The following LPIN2 variants were observed in gnomAD, a reference collection of about 807,000 sequenced individuals.
The protein encoded by LPIN2 is lipin 2, also known as phosphatidate phosphatase LPIN2.
A neutral mutation model predicts 111.4 loss-of-function variants in LPIN2; 55 were observed. The ratio of observed to expected loss-of-function variants is 0.49; its 90% CI spans 0.40 to 0.62. The LOEUF (loss-of-function observed/expected upper bound fraction) is 0.62. Ranked by LOEUF, LPIN2 falls within the 20% of genes least tolerant of loss-of-function variation. The pLI is 0.00. For synonymous variants in LPIN2, 425 were observed against 414.0 expected, an observed-to-expected ratio of 1.03 and a Z score of -0.32; for missense variants, 992 against 1,112.1, an observed-to-expected ratio of 0.89 and a Z score of 1.54.
intron 1 of LPIN2, among the ~76,000 whole-genome samples, chr18:3,003,068 C>T (rs2078458336): frequency 6.6e-6 from 1 of 152,182 alleles, no homozygotes; most frequent in Non-Finnish European, 1.5e-5. Flanking sequence ...CAGAACCAGC[C>T]TGTCAAGTAG....
chr18:2,976,688 T>C (rs983588085), intron 1 of LPIN2, among the ~76,000 whole-genome samples: 14 of 152,178 alleles, frequency 9.2e-5, no homozygotes, highest in Admixed American at 6.5e-4. Context: ...ACTGTACCAC[T>C]TCCCACGCAA....
chr18:2,947,751 G>T (rs1209040769), intron 4 of LPIN2, among the ~76,000 whole-genome samples: 1 of 152,186 alleles, frequency 6.6e-6, no homozygotes, highest in Admixed American at 6.5e-5. Flanking sequence ...TATGCTATAG[G>T]AAAGCTGCAA....
chr18:2,986,233 T>A (rs1396787280), intron 1 of LPIN2, among the ~76,000 whole-genome samples: 3 of 152,222 alleles, frequency 2.0e-5, no homozygotes, highest in African/African-American at 4.8e-5. Flanking sequence ...TTTTCAAACA[T>A]TTGTAGTTTA....
At chr18:2,979,830 T>C (rs3934427) in intron 1 of LPIN2, among the ~76,000 whole-genome samples, 18,691 of 152,186 alleles carry the variant, frequency 0.12, 1,234 homozygotes, top group African/African-American at 0.18. Context: ...GCCTAACCAG[T>C]AATCTTGTAT....
At chr18:2,934,231 T>C in intron 8 of LPIN2, 120 bp downstream of exon 8, 1 of 719,414 alleles carries the variant, frequency 1.4e-6, no homozygotes, top group Non-Finnish European at 2.4e-6. Flanking sequence ...CCTGAAGCCA[T>C]CATCAGATTT....
chr18:2,977,541 T>A (rs951344631), intron 1 of LPIN2, among the ~76,000 whole-genome samples: 3 of 152,254 alleles, frequency 2.0e-5, no homozygotes, highest in African/African-American at 7.2e-5. Context: ...TCCATGGCTG[T>A]GGGCAGGAAA....
At chr18:2,963,243 C>A (rs1200567489) in intron 1 of LPIN2, among the ~76,000 whole-genome samples, 1 of 152,220 alleles carries the variant, frequency 6.6e-6, no homozygotes, top group East Asian at 1.9e-4. Context: ...GGGAAAGAGG[C>A]TTCCTCACCG....
chr18:2,944,710 A>G (rs2077422672), intron 4 of LPIN2, among the ~76,000 whole-genome samples: 1 of 152,196 alleles, frequency 6.6e-6, no homozygotes, highest in Non-Finnish European at 1.5e-5. Flanking sequence ...CAAGATATAT[A>G]TAATTTCTTT....
chr18:2,921,309 T>A (rs1490204759), intron 18 of LPIN2: 13 of 604,264 alleles, frequency 2.2e-5, no homozygotes, highest in Middle Eastern at 4.1e-4. Flanking sequence ...ACAGAAACGA[T>A]GGAAAAGCGT....
intron 18 of LPIN2, chr18:2,921,317 C>T (rs1194341852): frequency 4.9e-6 from 3 of 608,766 alleles, no homozygotes; most frequent in Non-Finnish European, 8.7e-6. Flanking sequence ...GATGGAAAAG[C>T]GTCCTTCGTA....
intron 1 of LPIN2, chr18:2,985,427 G>A (rs532951891): frequency 3.9e-5 from 6 of 151,938 alleles, no homozygotes; most frequent in Non-Finnish European, 5.9e-5. Context: ...TTTTACTTTT[G>A]TATAACATCT....
Position 2,926,708 on chromosome 18 carries a change from G to C in LPIN2, c.1793+15C>G. ...GCCTGAGTGCTATGAGCCGGGCAGA[G>C]GACAGGGCACCCACCTGGCACCGGC... On this transcript the variant is annotated intron_variant, in intron 13 of 19. Transcript: ENST00000677752. The C allele has an allele frequency of 6.2e-7, 1 of 1,610,260 alleles. No individual in the cohort carries two copies. Among genetic ancestry groups the C allele is most frequent in the South Asian group, 1.1e-5 (1 of 91,000 alleles).
At chr18:2,928,845 C>G (rs2077173627) in intron 10 of LPIN2, among the ~76,000 whole-genome samples, 185 bp from the exon 11 acceptor site, 1 of 152,282 alleles carries the variant, frequency 6.6e-6, no homozygotes, top group East Asian at 1.9e-4. Flanking sequence ...CTTCTCTGAA[C>G]AGAGAAGCCG....
chr18:3,002,236 CAAAAAAAA>C (rs765641037), intron 1 of LPIN2, among the ~76,000 whole-genome samples: 10 of 82,816 alleles, frequency 1.2e-4, no homozygotes, highest in Admixed American at 8.6e-4. Flanking sequence ...TTCAAAAGAC[CAAAAAAAA>C]AAAAAAAAAA....
At chr18:2,944,375 G>T (rs188419245) in intron 4 of LPIN2, among the ~76,000 whole-genome samples, 1 of 98,356 alleles carries the variant, frequency 1.0e-5, no homozygotes, top group African/African-American at 3.8e-5. Context: ...TTTTTGAGTC[G>T]GAGTCTGGCT....
rs530513357 is a variant in LPIN2 at position 3,006,710 on chromosome 18, G to A, written c.-10+6377C>T. Among the ~76,000 whole-genome samples, 32 of 152,240 alleles carry A rather than the reference G, an allele frequency of 2.1e-4. No individual in the cohort carries two copies. The South Asian group carries it at 5.8e-3, about 28-fold the overall frequency. On this transcript the variant is annotated intron_variant, in intron 1 of 19. Coordinates refer to ENST00000677752, the MANE Select transcript of LPIN2 (RefSeq NM_001375808.2). ...AAATTAGCCAGGCGTGGTGGCGGGA[G>A]CCTGTAGTCCCAGCTACTCAGGAGG...
intron 16 of LPIN2, 138 bp downstream of exon 16, chr18:2,923,637 G>A: frequency 1.3e-6 from 1 of 799,204 alleles, no homozygotes. Context: ...CCATCAACAG[G>A]AAAGGAGTGA....
At chr18:2,983,603 G>A (rs1431634477) in intron 1 of LPIN2, among the ~76,000 whole-genome samples, 1 of 152,102 alleles carries the variant, frequency 6.6e-6, no homozygotes, top group Non-Finnish European at 1.5e-5. Context: ...TTAGCCACGT[G>A]TGGCTACTGA....
chr18:2,928,982 C>T, intron 10 of LPIN2, 83 bp downstream of exon 10: 2 of 919,774 alleles, frequency 2.2e-6, no homozygotes, highest in Non-Finnish European at 1.8e-6. Context: ...TAAGAAGGAA[C>T]ACTTTTATAA....
Sources: gnomAD v4.1 joint callset for allele counts (sites outside exome capture counted in the v4.1 genomes callset) on GRCh38, gnomAD v4.1.1 for gene constraint, MANE v1.5 for transcripts, NCBI Gene and HGNC (gene_info 2026-07-23, HGNC 2026-07-21) for gene names.